IGSF10: variants seen among roughly 807,000 people sequenced by gnomAD.
IGSF10 encodes the protein immunoglobulin superfamily member 10.
Under a neutral mutation model 128.2 loss-of-function variants are expected in IGSF10, and 126 were observed. The ratio of observed to expected loss-of-function variants is 0.98; its 90% CI spans 0.85 to 1.14. The LOEUF (loss-of-function observed/expected upper bound fraction) is 1.14, where lower values mean the gene tolerates loss of function less well. IGSF10 is among the 50% of genes most tolerant of loss of function. The pLI is 0.00. For synonymous variants in IGSF10, 1,185 were observed against 1,146.2 expected, an observed-to-expected ratio of 1.03 and a Z score of -0.68; for missense variants, 3,295 against 3,149.8, an observed-to-expected ratio of 1.05 and a Z score of -1.10.
intron 4 of IGSF10, among the ~76,000 whole-genome samples, chr3:151,454,973 T>C (rs1721710182): frequency 6.6e-6 from 1 of 152,108 alleles, no homozygotes; most frequent in Non-Finnish European, 1.5e-5. Context: ...ACCACCGCAC[T>C]CCAGCCTGGG....
the IGSF10 span, among the ~76,000 whole-genome samples, chr3:151,591,388 TA>T: frequency 0.03 from 4,269 of 142,808 alleles, 80 homozygotes; most frequent in Middle Eastern, 0.044. Context: ...TTTACATATA[TA>T]AAAAATATAT....
chr3:151,518,810 T>C, the IGSF10 span, among the ~76,000 whole-genome samples: 1 of 151,938 alleles, frequency 6.6e-6, no homozygotes, highest in African/African-American at 2.4e-5. Flanking sequence ...AGTCACTCTA[T>C]TGGGAAAATG....
chr3:151,439,157 T>G (rs1036711715), intron 7 of IGSF10, among the ~76,000 whole-genome samples: 1 of 152,200 alleles, frequency 6.6e-6, no homozygotes, highest in East Asian at 1.9e-4. Flanking sequence ...CTAGACACCA[T>G]GACTTCCTTG....
In IGSF10 at chr3:151,445,341, A is replaced by G. The variant is rs1241799622; in HGVS notation, c.4640T>C (p.Leu1547Ser). 2 of 1,614,184 alleles carry G rather than the reference A, an allele frequency of 1.2e-6. No homozygotes were observed. Among genetic ancestry groups the G allele is most frequent in the East Asian group, 4.5e-5 (2 of 44,882 alleles). The change falls in exon 6 of 8, where the codon TTA becomes TCA. Residue 1547 changes from leucine (L) to serine (S), a missense_variant. Leu to Ser is a moderately radical substitution (Grantham distance 145, BLOSUM62 -2). Coordinates refer to ENST00000282466, the MANE Select transcript of IGSF10 (RefSeq NM_178822.5). Reference sequence around the variant, plus strand: ...TAGTGCTGGCATGGGAGTAGAATGTAACAGATTAGAGTAGATGAAGTGAGT... The same window carrying G: ...TAGTGCTGGCATGGGAGTAGAATGTGACAGATTAGAGTAGATGAAGTGAGT... ...GTTHFIYSNL[L>S]HSTPMPALTT...
chr3:151,546,247 C>T, the IGSF10 span, among the ~76,000 whole-genome samples: 1 of 152,030 alleles, frequency 6.6e-6, no homozygotes, highest in South Asian at 2.1e-4. Flanking sequence ...TTATGAAAAC[C>T]CTCTCCTACC....
At chr3:151,539,151 A>G in the IGSF10 span, among the ~76,000 whole-genome samples, 1 of 152,184 alleles carries the variant, frequency 6.6e-6, no homozygotes, top group Non-Finnish European at 1.5e-5. Context: ...TTAGGGACTT[A>G]CTTTAATCCT....
chr3:151,438,746 G>C, intron 7 of IGSF10, 149 bp from the exon 8 acceptor site: 1 of 606,242 alleles, frequency 1.6e-6, no homozygotes, highest in Non-Finnish European at 2.9e-6. Flanking sequence ...GACATTTTGA[G>C]AGAGATATAT....
the IGSF10 span, among the ~76,000 whole-genome samples, chr3:151,573,504 A>G: frequency 6.6e-6 from 1 of 151,958 alleles, no homozygotes; most frequent in Non-Finnish European, 1.5e-5. Context: ...GTCTCTTTTG[A>G]TCTTTGTTGG....
downstream of IGSF10, chr3:151,435,062 C>CTTTTTTTTTTTTTTT (rs66791814): frequency 6.7e-5 from 8 of 119,082 alleles, no homozygotes; most frequent in Non-Finnish European, 1.0e-4. Flanking sequence ...TGAGAGGTTT[C>CTTTTTTTTTTTTTTT]TTTTTTTTTT....
chr3:151,513,822 C>G, the IGSF10 span, among the ~76,000 whole-genome samples: 1 of 152,106 alleles, frequency 6.6e-6, no homozygotes, highest in East Asian at 1.9e-4. Context: ...TCCTTTACAC[C>G]AATAACAGAC....
At chr3:151,461,209 T>C (rs1300168635), upstream of IGSF10, 1 of 985,246 alleles carries the variant, frequency 1.0e-6, no homozygotes, top group East Asian at 1.1e-4. Context: ...GCTTCACTCT[T>C]TAAATTCCCA....
At chr3:151,466,187 C>A in the IGSF10 span, among the ~76,000 whole-genome samples, 1 of 152,046 alleles carries the variant, frequency 6.6e-6, no homozygotes, top group Non-Finnish European at 1.5e-5. Flanking sequence ...GATCTGGCAT[C>A]AGAAGTGGGA....
At chr3:151,478,117 TAAACCTTA>T in the IGSF10 span, among the ~76,000 whole-genome samples, 1 of 152,170 alleles carries the variant, frequency 6.6e-6, no homozygotes, top group African/African-American at 2.4e-5. Context: ...GGCAGCACCT[TAAACCTTA>T]AAACCTTAAA....
the IGSF10 span, among the ~76,000 whole-genome samples, chr3:151,547,187 C>T: frequency 2.0e-5 from 3 of 152,100 alleles, no homozygotes; most frequent in South Asian, 6.2e-4. Context: ...TTCCCTTTCA[C>T]AACCACACCG....
chr3:151,454,715 T>G (rs2108570536), intron 4 of IGSF10, among the ~76,000 whole-genome samples: 1 of 152,252 alleles, frequency 6.6e-6, no homozygotes, highest in Admixed American at 6.5e-5. Context: ...CCTTTTAAAG[T>G]GTACAACTGG....
downstream of IGSF10, chr3:151,434,835 A>AATTTAACTCAC (rs1339969694): frequency 6.6e-6 from 1 of 152,248 alleles, no homozygotes; most frequent in African/African-American, 2.4e-5. Flanking sequence ...TGCACTTTAT[A>AATTTAACTCAC]CTTTGCAGAG....
the IGSF10 span, among the ~76,000 whole-genome samples, chr3:151,541,418 C>A: frequency 6.6e-6 from 1 of 152,272 alleles, no homozygotes; most frequent in East Asian, 1.9e-4. Flanking sequence ...GATTAGCTAG[C>A]ACACTAAAGT....
At chr3:151,506,677 C>T in the IGSF10 span, among the ~76,000 whole-genome samples, 1 of 151,908 alleles carries the variant, frequency 6.6e-6, no homozygotes, top group Non-Finnish European at 1.5e-5. Flanking sequence ...AATATGTGGG[C>T]CTAAAATCTT....
intron 6 of IGSF10, 64 bp from the exon 7 acceptor site, chr3:151,443,948 T>A: frequency 7.5e-7 from 1 of 1,336,666 alleles, no homozygotes; most frequent in Non-Finnish European, 1.0e-6. Flanking sequence ...AACATAAAGC[T>A]ATCGTTTTTT....
Sources: allele counts gnomAD v4.1 joint callset (sites outside exome capture counted in the v4.1 genomes callset), GRCh38; gene constraint gnomAD v4.1.1; transcripts MANE v1.5; gene names NCBI Gene and HGNC (gene_info 2026-07-23, HGNC 2026-07-21).